The following GNA12 variants were observed in gnomAD, a reference collection of about 807,000 sequenced individuals.
The protein encoded by GNA12 is guanine nucleotide-binding protein subunit alpha-12.
A neutral mutation model predicts 26.0 loss-of-function variants in GNA12; 9 were observed. The ratio of observed to expected loss-of-function variants is 0.35; its 90% confidence interval spans 0.21 to 0.60. GNA12 has a LOEUF of 0.60. GNA12 is among the 20% of genes least tolerant of loss of function. The probability of loss-of-function intolerance (pLI) is 0.78; values close to 1 mark genes in which losing one functional copy is unlikely to be tolerated. For synonymous variants in GNA12, 264 were observed against 219.6 expected (o/e 1.20, Z -1.79); for missense variants, 405 against 525.8 (o/e 0.77, Z 2.25).
At chr7:2,780,952 C>A (rs1277364678) in intron 2 of GNA12, among the ~76,000 whole-genome samples, 1 of 152,236 alleles carries the variant, frequency 6.6e-6, no homozygotes, top group Non-Finnish European at 1.5e-5. Context: ...GAGAAACCAA[C>A]TTGTGTTCCC....
chr7:2,776,946 A>C (rs889502104), intron 2 of GNA12, among the ~76,000 whole-genome samples: 2 of 140,724 alleles, frequency 1.4e-5, no homozygotes, highest in African/African-American at 4.9e-5. Context: ...ACTCTGTCTC[A>C]ATAATAAAAT....
At chr7:2,791,746 T>A (rs1441292761) in intron 2 of GNA12, among the ~76,000 whole-genome samples, 1 of 152,180 alleles carries the variant, frequency 6.6e-6, no homozygotes. Flanking sequence ...GAGGGAGCCC[T>A]GGTAACGGTG....
intron 2 of GNA12, among the ~76,000 whole-genome samples, chr7:2,752,499 C>G (rs1184293375): frequency 6.6e-6 from 1 of 152,110 alleles, no homozygotes; most frequent in East Asian, 1.9e-4. Context: ...GACTGGAAAG[C>G]AAGAAATAAA....
At position 2,731,765 on chromosome 7, in the gene GNA12, A is replaced by G; in HGVS notation, c.577-15T>C. ...GGAAAGTAATTCTGTAAAATACAGG[A>G]TGAGGCAGAAATTTAGGGGGAGGAA... On this transcript the variant is annotated splice_polypyrimidine_tract_variant and intron_variant, in intron 3 of 3. Coordinates refer to ENST00000275364, the MANE Select transcript of GNA12 (RefSeq NM_007353.3). The surrounding 1 kb of genome is among the most constrained non-coding windows in gnomAD (Gnocchi z 6.0). 1 of 1,364,158 alleles carries G rather than the reference A, an allele frequency of 7.3e-7. No homozygotes were observed. Among genetic ancestry groups the G allele is most frequent in the Non-Finnish European group, 9.9e-7 (1 of 1,011,364 alleles). The allele number at this position is 1,364,158 out of a possible 1,614,324, so 84.5% of individuals were successfully genotyped here. A position where few individuals can be genotyped will look rare whatever the true frequency, so the allele number is the denominator to read the frequency against.
At chr7:2,773,017 C>T (rs1177051687) in intron 2 of GNA12, among the ~76,000 whole-genome samples, 1 of 152,188 alleles carries the variant, frequency 6.6e-6, no homozygotes, top group Non-Finnish European at 1.5e-5. Context: ...AGCAAAGAAG[C>T]CAGCTAAACG....
At chr7:2,774,177 G>T (rs920396445) in intron 2 of GNA12, among the ~76,000 whole-genome samples, 1 of 152,080 alleles carries the variant, frequency 6.6e-6, no homozygotes, top group African/African-American at 2.4e-5. Flanking sequence ...CTGGCGGCAG[G>T]TCACACAATC....
At chr7:2,736,925 C>T (rs1348003126) in intron 2 of GNA12, among the ~76,000 whole-genome samples, 13 of 152,246 alleles carry the variant, frequency 8.5e-5, no homozygotes, top group Admixed American at 8.5e-4. Context: ...CAACCCTGCA[C>T]AGGACCAGAC....
intron 2 of GNA12, among the ~76,000 whole-genome samples, chr7:2,747,355 G>GGCT (rs1239129362): frequency 6.6e-6 from 1 of 152,196 alleles, no homozygotes; most frequent in Non-Finnish European, 1.5e-5. Flanking sequence ...TGGGATGCAA[G>GGCT]GCTGGTTCAA....
chr7:2,775,723 C>A (rs1792060581), intron 2 of GNA12, among the ~76,000 whole-genome samples: 1 of 152,338 alleles, frequency 6.6e-6, no homozygotes, highest in East Asian at 1.9e-4. Flanking sequence ...GAGGGCCAGG[C>A]TCCGAATCAC....
intron 1 of GNA12, among the ~76,000 whole-genome samples, chr7:2,840,767 T>G (rs1356997431): frequency 6.6e-6 from 1 of 152,092 alleles, no homozygotes; most frequent in Non-Finnish European, 1.5e-5. Context: ...GGAGGATTGC[T>G]TGAGCCCACG....
At position 2,839,957 on chromosome 7, in the gene GNA12, C is replaced by T. The variant is rs144759156; in HGVS notation, c.309+3896G>A. ...AGGTTGCAGTGAGCTGAGATTGTGC[C>T]ACTGCACTCCAGCCTGGGCGACAGA... On this transcript the variant is annotated intron_variant, in intron 1 of 3. Coordinates refer to ENST00000275364, the MANE Select transcript of GNA12 (RefSeq NM_007353.3). 4.8e-3 allele frequency among the ~76,000 whole-genome samples: 730 copies of T among 152,274 alleles called. 5 individuals are homozygous for T. Among genetic ancestry groups the T allele is most frequent in the African/African-American group, 0.016 (676 of 41,550 alleles).
rs201320970 is a variant in GNA12, at chr7:2,731,364, C to T, written c.963G>A (p.Pro321=). ...AGCGCTGGACGTCCTCCAGCCTGTG[C>T]GGGTCGCCCCTGAAGTCCGGGAAGT... ...KKHFPDFRGD[P]HRLEDVQRYL... The change falls in exon 4 of 4, where the codon CCG becomes CCA. Residue 321 remains proline (P), a synonymous_variant. Transcript: ENST00000275364. The surrounding 1 kb of genome is among the most constrained non-coding windows in gnomAD (Gnocchi z 6.0). The T allele has an allele frequency of 1.0e-4, 169 of 1,613,848 alleles. No individual in the cohort carries two copies. Among genetic ancestry groups the T allele is most frequent in the Non-Finnish European group, 1.3e-4 (155 of 1,179,838 alleles).
intron 1 of GNA12, among the ~76,000 whole-genome samples, chr7:2,831,010 T>C (rs965308158): frequency 5.9e-5 from 9 of 152,046 alleles, no homozygotes; most frequent in African/African-American, 2.2e-4. Flanking sequence ...AAGGTATCAT[T>C]CCTTCCAGGC....
intron 2 of GNA12, among the ~76,000 whole-genome samples, chr7:2,785,897 A>C (rs1792346835): frequency 6.6e-6 from 1 of 152,146 alleles, no homozygotes; most frequent in South Asian, 2.1e-4. Context: ...AAATACGAAA[A>C]ATAAAAAAAT....
chr7:2,817,122 T>C, intron 1 of GNA12, among the ~76,000 whole-genome samples: 1 of 152,266 alleles, frequency 6.6e-6, no homozygotes, highest in Non-Finnish European at 1.5e-5. Flanking sequence ...TTATTTATTT[T>C]TGAGACAGAG....
intron 2 of GNA12, among the ~76,000 whole-genome samples, chr7:2,740,913 C>T (rs1206062819): frequency 1.3e-5 from 2 of 152,232 alleles, no homozygotes; most frequent in Non-Finnish European, 1.5e-5. Context: ...GGCGTGGTGG[C>T]AGGTGCCTGT....
chr7:2,796,871 T>G (rs1214511190), intron 1 of GNA12, among the ~76,000 whole-genome samples: 1 of 152,188 alleles, frequency 6.6e-6, no homozygotes, highest in Non-Finnish European at 1.5e-5. Flanking sequence ...AGGAGGTCTG[T>G]TCCACCATCC....
At chr7:2,794,511 TG>T (rs1427170673) in intron 2 of GNA12, among the ~76,000 whole-genome samples, 2 of 152,140 alleles carry the variant, frequency 1.3e-5, no homozygotes, top group Non-Finnish European at 2.9e-5. Flanking sequence ...AGGGAACAAC[TG>T]GGAGGAGTTG....
rs530410777 is a variant in GNA12 at position 2,835,509 on chromosome 7, G to A, written c.309+8344C>T. On this transcript the variant is annotated intron_variant, in intron 1 of 3. Coordinates refer to ENST00000275364, the MANE Select transcript of GNA12 (RefSeq NM_007353.3). ...GGGATCATTGGCCATGGGTCCAAGG[G>A]GAGGGAATGTGGAGACAGGGTTGTA... 4 of 455,006 alleles carry A rather than the reference G, an allele frequency of 8.8e-6. No homozygotes were observed. In the East Asian group the frequency reaches 1.1e-4, roughly 13 times the overall value. The allele number at this position is 455,006 out of a possible 1,614,324, so 28.2% of individuals were successfully genotyped here.
Sources: gnomAD v4.1 joint callset for allele counts (sites outside exome capture counted in the v4.1 genomes callset) on GRCh38, gnomAD v4.1.1 for gene constraint, Gnocchi (gnomAD v3.1) non-coding constraint, MANE v1.5 for transcripts, NCBI Gene and HGNC (gene_info 2026-07-23, HGNC 2026-07-21) for gene names.